The following GRK6 variants were observed in gnomAD, a reference collection of about 807,000 sequenced individuals.
The protein encoded by GRK6 is G protein-coupled receptor kinase 6.
Under a neutral mutation model 80.8 loss-of-function variants are expected in GRK6, and 37 were observed. The ratio of observed to expected loss-of-function variants is 0.46; its 90% CI spans 0.35 to 0.60. The LOEUF (loss-of-function observed/expected upper bound fraction) is 0.60. Ranked by LOEUF, GRK6 falls within the 20% of genes least tolerant of loss-of-function variation. The probability of loss-of-function intolerance (pLI) is 0.00; values close to 1 mark genes in which losing one functional copy is unlikely to be tolerated. For missense variants in GRK6, 560 were observed against 784.6 expected, an observed-to-expected ratio of 0.71 and a Z score of 3.42; for synonymous variants, 295 against 320.9, an observed-to-expected ratio of 0.92 and a Z score of 0.86.
At chr5:177,432,482 G>T (rs949120575) in intron 4 of GRK6, among the ~76,000 whole-genome samples, 172 bp downstream of exon 4, 1 of 152,256 alleles carries the variant, frequency 6.6e-6, no homozygotes, top group African/African-American at 2.4e-5. Context: ...CGGGCATGCA[G>T]CCCAGGGTAT....
At chr5:177,427,067 T>A (rs1226385523) in intron 1 of GRK6, among the ~76,000 whole-genome samples, 170 bp downstream of exon 1, 1 of 151,812 alleles carries the variant, frequency 6.6e-6, no homozygotes, top group Non-Finnish European at 1.5e-5. Flanking sequence ...CCTCCGCACC[T>A]GCCCCCGGGA....
At position 177,433,139 on chromosome 5, in the gene GRK6, C is replaced by T. The variant is rs957955349; in HGVS notation, c.441-8C>T. 6.2e-7 allele frequency: 1 copy of T among 1,612,540 alleles called. No individual in the cohort carries two copies. Among genetic ancestry groups the T allele is most frequent in the Non-Finnish European group, 8.5e-7 (1 of 1,179,262 alleles). On this transcript the variant is annotated splice_region_variant and splice_polypyrimidine_tract_variant and intron_variant, in intron 5 of 15. Transcript: ENST00000355472. ...GGCGGGTGAGCTGGGCCTGCCTTTCCTCAACAGGCTGACCCACGAGTACCT... is the reference window on the plus strand; with the variant it reads ...GGCGGGTGAGCTGGGCCTGCCTTTCTTCAACAGGCTGACCCACGAGTACCT...
Position 177,426,927 on chromosome 5 carries a change from G to C in GRK6, c.52+30G>C, listed in dbSNP as rs772548788. On this transcript the variant is annotated intron_variant, in intron 1 of 15. Transcript: ENST00000355472. Reference sequence around the variant, plus strand: ...GGCGGCCGGGTGGGCGGCCGGGCCCGGGTGCGTGGAGCGCGAGTGCGCTGC... The same window carrying C: ...GGCGGCCGGGTGGGCGGCCGGGCCCCGGTGCGTGGAGCGCGAGTGCGCTGC... The C allele has an allele frequency of 9.8e-6, 13 of 1,329,562 alleles. No homozygotes were observed. The East Asian group carries it at 3.5e-4, about 35-fold the overall frequency. The allele number at this position is 1,329,562 out of a possible 1,614,324, so 82.4% of individuals were successfully genotyped here.
In GRK6 at chr5:177,428,613, C is replaced by T. The variant is rs1190720249; in HGVS notation, c.52+1716C>T. Among the ~76,000 whole-genome samples, 4 of 152,224 alleles carry T rather than the reference C, an allele frequency of 2.6e-5. No individual in the cohort carries two copies. Among genetic ancestry groups the T allele is most frequent in the Non-Finnish European group, 4.4e-5 (3 of 68,030 alleles). On this transcript the variant is annotated intron_variant, in intron 1 of 15. Coordinates refer to ENST00000355472, the MANE Select transcript of GRK6 (RefSeq NM_001004106.3). This position sits in a 1 kb window ranked among gnomAD's most constrained non-coding sequence, Gnocchi z 4.1. ...TTGTATTTATAGCACAGATGGGTTT[C>T]ACCATGTTGGCCTGGCTGGTCTTGA... is the stretch of plus-strand genomic sequence containing the variant.
chr5:177,432,999 G>A, intron 5 of GRK6, 148 bp from the exon 6 acceptor site: 1 of 778,714 alleles, frequency 1.3e-6, no homozygotes, highest in East Asian at 2.7e-5. Context: ...CAGGCTGTGT[G>A]TCTCCCCGCT....
At chr5:177,440,039 T>C (rs1488437268) in intron 13 of GRK6, 1 of 152,244 alleles carries the variant, frequency 6.6e-6, no homozygotes, top group Non-Finnish European at 1.5e-5. Flanking sequence ...TACCTAGGAG[T>C]AGAATTACTA....
Position 177,434,019 on chromosome 5 carries a change from G to A in GRK6, c.844G>A (p.Gly282Ser), listed in dbSNP as rs746003217. The A allele has an allele frequency of 1.2e-6, 2 of 1,612,628 alleles. No individual in the cohort carries two copies. The highest frequency in any genetic ancestry group is 3.3e-5 in the Admixed American group (2 of 59,884). ...CCACATCTACCACATGGGCCAGGCT[G>A]GCTTCCCCGAAGCGCGGGCCGTCTT... Reference protein sequence around the residue: ...KFHIYHMGQAGFPEARAVFYA... With the variant: ...KFHIYHMGQASFPEARAVFYA... The change falls in exon 9 of 16, where the codon GGC becomes AGC. Residue 282 changes from glycine to serine, a missense_variant. Coordinates refer to ENST00000355472, the MANE Select transcript of GRK6 (RefSeq NM_001004106.3).
intron 13 of GRK6, 31 bp downstream of exon 13, chr5:177,436,561 G>A (rs765425933): frequency 5.8e-5 from 89 of 1,531,400 alleles, no homozygotes; most frequent in Middle Eastern, 2.0e-4. Context: ...CTGAGGGCGG[G>A]GCCCAGCCAG....
rs1214138337 is a variant in GRK6 at position 177,431,474 on chromosome 5, C to T, written c.148+507C>T. On this transcript the variant is annotated intron_variant, in intron 2 of 15. Transcript: ENST00000355472. ...CAGTTCCTGCCAATCTTGGCCAAGG[C>T]CCCAGGTCTGAGCAGCACCCAAGGT... Among the ~76,000 whole-genome samples, 4 of 151,604 alleles carry T rather than the reference C, an allele frequency of 2.6e-5. No homozygotes were observed. The East Asian group carries it at 7.7e-4, about 29-fold the overall frequency.
chr5:177,441,219 G>A, intron 15 of GRK6, 166 bp downstream of exon 15: 1 of 1,516,832 alleles, frequency 6.6e-7, no homozygotes, highest in Non-Finnish European at 9.0e-7. Flanking sequence ...CCCTGGCTGG[G>A]CTCATGGCCT....
intron 13 of GRK6, chr5:177,439,842 A>G (rs1764375730): frequency 6.6e-6 from 1 of 152,286 alleles, no homozygotes; most frequent in Non-Finnish European, 1.5e-5. Context: ...ATGTTGTAGC[A>G]TAGATCAGTG....
upstream of GRK6, among the ~76,000 whole-genome samples, chr5:177,425,899 A>G: frequency 6.6e-6 from 1 of 152,228 alleles, no homozygotes; most frequent in Non-Finnish European, 1.5e-5. Flanking sequence ...CCGGCGCCTC[A>G]GCTCCCCACC....
chr5:177,430,824 G>A (rs530871420), intron 1 of GRK6, 48 bp from the exon 2 acceptor site: 15 of 1,557,544 alleles, frequency 9.6e-6, no homozygotes, highest in Non-Finnish European at 1.2e-5. Context: ...CCCAGAGGCA[G>A]TTCTGAGGCA....
rs1205968826 is a variant in GRK6 at position 177,432,729 on chromosome 5, C to G, written c.363C>G (p.Val121=). The change falls in exon 5 of 16, where the codon GTC becomes GTG. Residue 121 remains valine (V), a synonymous_variant. Transcript: ENST00000355472. ...AGGGTCCTGACCTCATCCCTGAGGT[C>G]CCCCGGCAGCTGGTGACGAACTGCA... The part of the protein sequence containing the change: ...SHTGPDLIPE[V]PRQLVTNCTQ... 1 of 1,608,960 alleles carries G rather than the reference C, an allele frequency of 6.2e-7. No homozygotes were observed. Among genetic ancestry groups the G allele is most frequent in the Non-Finnish European group, 8.5e-7 (1 of 1,177,734 alleles).
upstream of GRK6, among the ~76,000 whole-genome samples, chr5:177,425,650 G>T (rs903674001): frequency 1.3e-5 from 2 of 152,212 alleles, no homozygotes; most frequent in African/African-American, 4.8e-5. Context: ...CCAGCACCTG[G>T]CTTGGTGCCT....
At position 177,426,721 on chromosome 5, in the gene GRK6, C is replaced by A; in HGVS notation, c.-125C>A. The A allele has an allele frequency of 2.5e-6, 1 of 393,146 alleles. No homozygotes were observed. Among genetic ancestry groups the A allele is most frequent in the Non-Finnish European group, 3.4e-6 (1 of 290,798 alleles). The allele number at this position is 393,146 out of a possible 1,614,324, so 24.4% of individuals were successfully genotyped here. On this transcript the variant is annotated 5_prime_UTR_variant, in exon 1 of 16. Coordinates refer to ENST00000355472, the MANE Select transcript of GRK6 (RefSeq NM_001004106.3). ...CGGCGGCCGGGGAGGCCGGGGAGGC[C>A]GCGGCGCGGTCACTGCGAGCCGAGC... is the stretch of plus-strand genomic sequence containing the variant.
In GRK6 at chr5:177,432,914, C is replaced by G. The variant is rs112655860; in HGVS notation, c.440+108C>G. 7.6e-4 allele frequency: 721 copies of G among 944,476 alleles called. 5 individuals are homozygous for G. In the African/African-American group the frequency reaches 7.8e-3, roughly 10 times the overall value. 58.5% of individuals were successfully genotyped at this position (944,476 alleles called of 1,614,324 possible). A position where few individuals can be genotyped will look rare whatever the true frequency, so the allele number is the denominator to read the frequency against. On this transcript the variant is annotated intron_variant, in intron 5 of 15. Coordinates refer to ENST00000355472, the MANE Select transcript of GRK6 (RefSeq NM_001004106.3). The stretch of plus-strand genomic sequence containing the variant: ...GTGGCTGGTGAGGGAGCTCAGCTGC[C>G]CAGCCCTGGCCTTGCCCCTGCTGTG...
rs916212186 is a variant in GRK6, at chr5:177,442,663, C to T, written c.*873C>T. The T allele has an allele frequency of 1.3e-5, 2 of 152,766 alleles. No homozygotes were observed. The highest frequency in any genetic ancestry group is 6.5e-5 in the Admixed American group (1 of 15,278). 9.5% of individuals were successfully genotyped at this position (152,766 alleles called of 1,614,324 possible). On this transcript the variant is annotated 3_prime_UTR_variant, in exon 16 of 16. Coordinates refer to ENST00000355472, the MANE Select transcript of GRK6 (RefSeq NM_001004106.3). Reference sequence around the variant, plus strand: ...TGTGTGCGCCTGTGGGGTGCGTGCGCGCGCGTGTGTACCTGTGTGGGTGAA... The same window carrying T: ...TGTGTGCGCCTGTGGGGTGCGTGCGTGCGCGTGTGTACCTGTGTGGGTGAA...
At chr5:177,441,665 G>A (rs1410232921) in intron 15 of GRK6, 72 bp from the exon 16 acceptor site, 6 of 1,282,634 alleles carry the variant, frequency 4.7e-6, no homozygotes, top group Non-Finnish European at 6.8e-6. Context: ...TCGGCCCCAT[G>A]TGACGTCCCT....
Sources: gnomAD v4.1 joint callset for allele counts (sites outside exome capture counted in the v4.1 genomes callset) on GRCh38, gnomAD v4.1.1 for gene constraint, Gnocchi (gnomAD v3.1) non-coding constraint, MANE v1.5 for transcripts, NCBI Gene and HGNC (gene_info 2026-07-23, HGNC 2026-07-21) for gene names.